Variants in FSTL5 observed in about 807,000 individuals in gnomAD.
The protein encoded by FSTL5 is follistatin like 5.
In FSTL5, 62 loss-of-function variants were observed where a neutral mutation model predicts 89.1. The observed-to-expected ratio is 0.70, with a 90% confidence interval of 0.57 to 0.86. The LOEUF is 0.86. Among genes scored for constraint, FSTL5 ranks in the 40% least tolerant of loss-of-function variants. The pLI is 0.00. For synonymous variants in FSTL5, 383 were observed against 346.2 expected (o/e 1.11, Z -1.18); for missense variants, 1,057 against 1,001.6 (o/e 1.06, Z -0.75).
intron 4 of FSTL5, among the ~76,000 whole-genome samples, chr4:161,887,176 G>A (rs986766133): frequency 1.3e-5 from 2 of 152,126 alleles, no homozygotes; most frequent in African/African-American, 4.8e-5. Flanking sequence ...GTATCAGCCA[G>A]TTATTTAAGC....
intron 7 of FSTL5, among the ~76,000 whole-genome samples, chr4:161,613,867 A>C (rs10517747): frequency 0.049 from 7,526 of 152,258 alleles, 605 homozygotes; most frequent in African/African-American, 0.17. Context: ...TCTGCTAAAC[A>C]CTTTGAAACA....
intron 6 of FSTL5, among the ~76,000 whole-genome samples, chr4:161,717,558 A>AC (rs1739030757): frequency 6.6e-6 from 1 of 152,134 alleles, no homozygotes; most frequent in Admixed American, 6.5e-5. Flanking sequence ...AACAAGACTG[A>AC]CCTCTTGAGA....
chr4:161,924,775 T>C (rs1734079827), intron 3 of FSTL5, among the ~76,000 whole-genome samples: 1 of 151,762 alleles, frequency 6.6e-6, no homozygotes, highest in Non-Finnish European at 1.5e-5. Flanking sequence ...TTTAAAACAA[T>C]AATAAAGAGG....
chr4:161,880,041 T>G lies in FSTL5; in HGVS notation c.409+40363A>C, dbSNP rs1029229867. The stretch of plus-strand genomic sequence containing the variant: ...ATCTTTCTCAAGATGCTTAGTCACA[T>G]CAGCCAAGCCCCTTTTTTGAGATAT... On this transcript the variant is annotated intron_variant, in intron 4 of 15. Coordinates refer to ENST00000306100, the MANE Select transcript of FSTL5 (RefSeq NM_020116.5). Among the ~76,000 whole-genome samples, 25 of 152,294 alleles carry G rather than the reference T, an allele frequency of 1.6e-4. No individual in the cohort carries two copies. The East Asian group carries it at 4.8e-3, about 29-fold the overall frequency.
At chr4:162,152,158 A>C (rs1242125750) in intron 1 of FSTL5, among the ~76,000 whole-genome samples, 1 of 152,204 alleles carries the variant, frequency 6.6e-6, no homozygotes, top group Non-Finnish European at 1.5e-5. Context: ...GAAACAGGGC[A>C]CTGGCTAAAA....
intron 2 of FSTL5, among the ~76,000 whole-genome samples, chr4:162,051,410 C>T (rs767670971): frequency 6.6e-6 from 1 of 151,116 alleles, no homozygotes; most frequent in Non-Finnish European, 1.5e-5. Flanking sequence ...AAAACTTCAA[C>T]AGAAGAATCA....
intron 6 of FSTL5, among the ~76,000 whole-genome samples, chr4:161,669,832 G>A (rs989815405): frequency 6.6e-6 from 1 of 151,964 alleles, no homozygotes; most frequent in African/African-American, 2.4e-5. Flanking sequence ...CCTTAGGTAA[G>A]ATAGATCATA....
At chr4:161,878,166 A>T (rs529142013) in intron 4 of FSTL5, among the ~76,000 whole-genome samples, 1 of 152,248 alleles carries the variant, frequency 6.6e-6, no homozygotes, top group African/African-American at 2.4e-5. Context: ...TTACTTAGAT[A>T]TTATTTGAAT....
chr4:162,011,306 T>A lies in FSTL5; in HGVS notation c.160+22319A>T, dbSNP rs140720368. Among the ~76,000 whole-genome samples, 249 of 152,234 alleles carry A rather than the reference T, an allele frequency of 1.6e-3. 1 individual carries two copies. The South Asian group carries it at 0.019, about 12-fold the overall frequency. On this transcript the variant is annotated intron_variant, in intron 3 of 15. Coordinates refer to ENST00000306100, the MANE Select transcript of FSTL5 (RefSeq NM_020116.5). ...ATATGCCAGAAGATATTACTTGAAT[T>A]TTTGGAATTCAAATTGGCCCCCACT...
chr4:161,879,911 T>C (rs557544653), intron 4 of FSTL5, among the ~76,000 whole-genome samples: 54 of 152,316 alleles, frequency 3.5e-4, no homozygotes, highest in Admixed American at 1.3e-3. Context: ...GATAGCTCCA[T>C]GGGAGCAACA....
At chr4:161,401,698 T>C (rs1731185179) in intron 15 of FSTL5, among the ~76,000 whole-genome samples, 1 of 151,994 alleles carries the variant, frequency 6.6e-6, no homozygotes. Context: ...CTAATTTTTT[T>C]TGTATTTTTT....
At chr4:162,142,170 G>A (rs558163812) in intron 1 of FSTL5, among the ~76,000 whole-genome samples, 2 of 152,210 alleles carry the variant, frequency 1.3e-5, no homozygotes, top group South Asian at 4.1e-4. Flanking sequence ...ACCTGGCTTT[G>A]GAGTTGGGGC....
intron 13 of FSTL5, 141 bp from the exon 14 acceptor site, chr4:161,459,460 G>T: frequency 3.8e-6 from 2 of 529,094 alleles, no homozygotes; most frequent in Non-Finnish European, 3.4e-6. Context: ...GCCCTTATTT[G>T]ATATTTGAAA....
chr4:161,641,504 G>GT (rs71598725), intron 7 of FSTL5, among the ~76,000 whole-genome samples: 5,010 of 132,130 alleles, frequency 0.038, 165 homozygotes, highest in Admixed American at 0.062. Context: ...TTTTTGTTTT[G>GT]TTTTGTTTTT....
At chr4:161,680,578 T>C (rs1296864172) in intron 6 of FSTL5, among the ~76,000 whole-genome samples, 2 of 151,962 alleles carry the variant, frequency 1.3e-5, no homozygotes, top group Admixed American at 6.6e-5. Flanking sequence ...GAATGTGGTA[T>C]ACACATTCAT....
chr4:161,882,818 C>T (rs565358484), intron 4 of FSTL5, among the ~76,000 whole-genome samples: 2 of 152,082 alleles, frequency 1.3e-5, no homozygotes, highest in Non-Finnish European at 2.9e-5. Context: ...AGGAAAGAAC[C>T]ACAGACCCCT....
intron 4 of FSTL5, among the ~76,000 whole-genome samples, chr4:161,889,270 A>T (rs546804881): frequency 2.0e-5 from 3 of 152,214 alleles, no homozygotes; most frequent in African/African-American, 7.2e-5. Flanking sequence ...TTATAATACT[A>T]TGGAATACTT....
At chr4:161,542,758 G>T (rs1037386274) in intron 8 of FSTL5, 65 bp from the exon 9 acceptor site, 35 of 1,023,400 alleles carry the variant, frequency 3.4e-5, no homozygotes, top group Non-Finnish European at 3.2e-5. Flanking sequence ...TTTTCCAAAA[G>T]AAAAATTGCA....
At chr4:161,659,212 A>G (rs984558183) in intron 6 of FSTL5, among the ~76,000 whole-genome samples, 1 of 152,164 alleles carries the variant, frequency 6.6e-6, no homozygotes, top group East Asian at 1.9e-4. Context: ...GACTTCAAAT[A>G]TATTTCGTGG....
Sources: gnomAD v4.1 joint callset for allele counts (sites outside exome capture counted in the v4.1 genomes callset) on GRCh38, gnomAD v4.1.1 for gene constraint, MANE v1.5 for transcripts, NCBI Gene and HGNC (gene_info 2026-07-23, HGNC 2026-07-21) for gene names.